CD276: variants seen among roughly 807,000 people sequenced by gnomAD.
CD276 encodes CD276 molecule, also known as CD276 antigen.
CD276 carries 34 observed loss-of-function variants against 50.0 expected under a neutral mutation model. The observed-to-expected ratio is 0.68, with a 90% CI of 0.52 to 0.91. The LOEUF is 0.91. Among genes scored for constraint, CD276 ranks in the 40% least tolerant of loss-of-function variants. The pLI, the probability that CD276 is intolerant of heterozygous loss-of-function variation, is 0.00. For synonymous variants in CD276, 275 were observed against 313.0 expected, an observed-to-expected ratio of 0.88 and a Z score of 1.28; for missense variants, 634 against 717.5, an observed-to-expected ratio of 0.88 and a Z score of 1.33.
At position 73,703,631 on chromosome 15, in the gene CD276, C is replaced by T. The variant is rs772480191; in HGVS notation, c.734-28C>T. On this transcript the variant is annotated intron_variant, in intron 4 of 9. Transcript: ENST00000318443. ...CCTAGAGAGTCCCATTTCTCCTCAC[C>T]ACCCTGCCCCTCTGACCCCGCCCCC... 3.2e-6 allele frequency: 5 copies of T among 1,560,986 alleles called. No individual in the cohort carries two copies. In the African/African-American group the frequency reaches 6.8e-5, roughly 21 times the overall value.
intron 1 of CD276, among the ~76,000 whole-genome samples, chr15:73,689,419 G>A (rs1282315192): frequency 6.6e-6 from 1 of 152,042 alleles, no homozygotes; most frequent in East Asian, 1.9e-4. Context: ...GGGGAGTGGT[G>A]CCCAGTGGAC....
Position 73,699,601 on chromosome 15 carries a change from C to T in CD276, c.-39C>T, listed in dbSNP as rs1900297314. The T allele has an allele frequency of 6.2e-7, 1 of 1,608,918 alleles. No individual in the cohort carries two copies. The highest frequency in any genetic ancestry group is 8.5e-7 in the Non-Finnish European group (1 of 1,178,330). ...TTTCTCCCAGGCAGGGGCAGCCTTC[C>T]ACCACGGGGAGCCCAGCTGTCAGCC... On this transcript the variant is annotated 5_prime_UTR_variant, in exon 2 of 10. Coordinates refer to ENST00000318443, the MANE Select transcript of CD276 (RefSeq NM_001024736.2).
chr15:73,704,359 T>C lies in CD276; in HGVS notation c.1256T>C (p.Leu419Ser). The C allele has an allele frequency of 6.2e-7, 1 of 1,614,044 alleles. No individual in the cohort carries two copies. The highest frequency in any genetic ancestry group is 1.7e-4 in the Middle Eastern group (1 of 5,982). Residue 419 changes from leucine to serine, a missense_variant, in exon 6 of 10, where the codon TTG becomes TCG. Transcript: ENST00000318443. This position sits in a 1 kb window ranked among gnomAD's most constrained non-coding sequence, Gnocchi z 4.1. ...TTSQMANEQG[L>S]FDVHSVLRVV... ...TCGCAGATGGCCAACGAGCAGGGCT[T>C]GTTTGATGTGCACAGCGTCCTGCGG... is the stretch of plus-strand genomic sequence containing the variant.
chr15:73,691,754 G>A (rs994574720), intron 1 of CD276, among the ~76,000 whole-genome samples: 2 of 152,204 alleles, frequency 1.3e-5, no homozygotes, highest in African/African-American at 4.8e-5. Flanking sequence ...TACCAAAGAC[G>A]GAGACGATCT....
chr15:73,691,695 G>A (rs1210549387), intron 1 of CD276, among the ~76,000 whole-genome samples: 1 of 152,204 alleles, frequency 6.6e-6, no homozygotes, highest in Non-Finnish European at 1.5e-5. Context: ...CAAGAGAAGG[G>A]CACTGTAGAA....
intron 4 of CD276, 42 bp downstream of exon 4, chr15:73,703,128 C>T: frequency 6.5e-7 from 1 of 1,529,074 alleles, no homozygotes; most frequent in Non-Finnish European, 8.8e-7. Flanking sequence ...GGGGGTTCTG[C>T]TTCTGTCGGC....
Position 73,702,287 on chromosome 15 carries a change from G to T in CD276, c.112G>T (p.Val38Leu), listed in dbSNP as rs774478067. Residue 38 changes from valine to leucine, a missense_variant, in exon 3 of 10, where the codon GTG (valine) becomes TTG (leucine). By Grantham distance (32) the Val-to-Leu change is conservative. Transcript: ENST00000318443. ...ALEVQVPEDP[V>L]VALVGTDATL... ...GGAGGTCCAGGTCCCTGAAGACCCA[G>T]TGGTGGCACTGGTGGGCACCGATGC... 1 of 1,612,702 alleles carries T rather than the reference G, an allele frequency of 6.2e-7. No homozygotes were observed. Among genetic ancestry groups the T allele is most frequent in the African/African-American group, 1.3e-5 (1 of 75,022 alleles).
intron 6 of CD276, among the ~76,000 whole-genome samples, chr15:73,707,556 G>C (rs1022845845): frequency 1.3e-5 from 2 of 152,220 alleles, no homozygotes; most frequent in East Asian, 3.9e-4. Context: ...GACCTCATCT[G>C]TATGTAGGAC....
intron 2 of CD276, 62 bp from the exon 3 acceptor site, chr15:73,702,193 G>C (rs1031712901): frequency 7.3e-7 from 1 of 1,368,620 alleles, no homozygotes; most frequent in Admixed American, 2.3e-5. Flanking sequence ...CAGGGAGCGG[G>C]ACTAGGGAGG....
chr15:73,713,235 C>A lies in CD276; in HGVS notation c.*279C>A. The A allele has an allele frequency of 2.2e-6, 1 of 453,928 alleles. No homozygotes were observed. Among genetic ancestry groups the A allele is most frequent in the Non-Finnish European group, 3.9e-6 (1 of 256,748 alleles). The allele number at this position is 453,928 out of a possible 1,614,324, so 28.1% of individuals were successfully genotyped here. On this transcript the variant is annotated 3_prime_UTR_variant, in exon 10 of 10. Transcript: ENST00000318443. Reference sequence around the variant, plus strand: ...CTGCCTGCTGCCTTATTTCACAGTACATACATTTCTTAGGGACACAGTACA... The same window carrying A: ...CTGCCTGCTGCCTTATTTCACAGTAAATACATTTCTTAGGGACACAGTACA...
At chr15:73,686,128 G>A (rs575455590) in intron 1 of CD276, among the ~76,000 whole-genome samples, 16 of 152,282 alleles carry the variant, frequency 1.1e-4, no homozygotes, top group Non-Finnish European at 2.2e-4. Context: ...AGGGGACGCT[G>A]GCGGGAGAGA....
intron 1 of CD276, among the ~76,000 whole-genome samples, chr15:73,688,453 C>T (rs796723789): frequency 1.1e-4 from 16 of 152,256 alleles, no homozygotes; most frequent in African/African-American, 3.9e-4. Flanking sequence ...TAGGTTAAGT[C>T]ATTTAAACTT....
intron 1 of CD276, 118 bp from the exon 2 acceptor site, chr15:73,699,468 A>G (rs1900292438): frequency 7.4e-7 from 1 of 1,345,916 alleles, no homozygotes; most frequent in African/African-American, 1.5e-5. Context: ...GGATATGGGA[A>G]TGAGGACCTC....
chr15:73,708,667 C>G lies in CD276; in HGVS notation c.1504+194C>G. On this transcript the variant is annotated intron_variant, in intron 7 of 9. Coordinates refer to ENST00000318443, the MANE Select transcript of CD276 (RefSeq NM_001024736.2). ...GTGAACAAGCGTGAGCCTGTCTGTC[C>G]ATGTGCAGATACCACAGGATGAATG... The G allele has an allele frequency of 3.2e-6, 2 of 629,676 alleles. 1 individual carries two copies. Among genetic ancestry groups the G allele is most frequent in the East Asian group, 5.7e-5 (2 of 35,384 alleles). 39.0% of individuals were successfully genotyped at this position (629,676 alleles called of 1,614,324 possible).
In CD276 at chr15:73,713,993, T is replaced by A. The variant is rs944394955; in HGVS notation, c.*1037T>A. 1.6e-5 allele frequency: 5 copies of A among 308,004 alleles called. No individual in the cohort carries two copies. In the Admixed American group the frequency reaches 3.0e-4, roughly 18 times the overall value. 19.1% of individuals were successfully genotyped at this position (308,004 alleles called of 1,614,324 possible). ...CACCCTGCGGTTTGCAGGGGGCTCC[T>A]GCCTGGCTCCCTGCTCCACACCTCC... On this transcript the variant is annotated 3_prime_UTR_variant, in exon 10 of 10. Coordinates refer to ENST00000318443, the MANE Select transcript of CD276 (RefSeq NM_001024736.2).
In CD276 at chr15:73,713,795, T is replaced by A. The variant is rs1278052556; in HGVS notation, c.*839T>A. ...GCCCCTGGGGGTCAGCTTCTGTCCCTCTGCCTTCTCACCTCTTTGTTCCTT... is the reference window on the plus strand; with the variant it reads ...GCCCCTGGGGGTCAGCTTCTGTCCCACTGCCTTCTCACCTCTTTGTTCCTT... On this transcript the variant is annotated 3_prime_UTR_variant, in exon 10 of 10. Transcript: ENST00000318443. 1 of 439,720 alleles carries A rather than the reference T, an allele frequency of 2.3e-6. No homozygotes were observed. The highest frequency in any genetic ancestry group is 7.7e-5 in the East Asian group (1 of 12,992). 27.2% of individuals were successfully genotyped at this position (439,720 alleles called of 1,614,324 possible).
In CD276 at chr15:73,713,249, G is replaced by T. The variant is rs766959402; in HGVS notation, c.*293G>T. On this transcript the variant is annotated 3_prime_UTR_variant, in exon 10 of 10. Transcript: ENST00000318443. ...ATTTCACAGTACATACATTTCTTAG[G>T]GACACAGTACACTGACCACATCACC... is the stretch of plus-strand genomic sequence containing the variant. 2.5e-4 allele frequency: 108 copies of T among 428,884 alleles called. No individual in the cohort carries two copies. The highest frequency in any genetic ancestry group is 4.1e-4 in the Non-Finnish European group (99 of 241,680). The allele number at this position is 428,884 out of a possible 1,614,324, so 26.6% of individuals were successfully genotyped here. A position where few individuals can be genotyped will look rare whatever the true frequency, so the allele number is the denominator to read the frequency against.
At chr15:73,695,363 G>T (rs953621433) in intron 1 of CD276, among the ~76,000 whole-genome samples, 4 of 152,154 alleles carry the variant, frequency 2.6e-5, no homozygotes, top group Non-Finnish European at 5.9e-5. Context: ...TCAGGAAAGG[G>T]TTACCTTTCC....
intron 2 of CD276, among the ~76,000 whole-genome samples, chr15:73,700,154 A>G (rs746225289): frequency 6.6e-6 from 1 of 151,966 alleles, no homozygotes; most frequent in Non-Finnish European, 1.5e-5. Context: ...TCCCTGCGTT[A>G]TTCTGCCTAG....
Sources: allele counts gnomAD v4.1 joint callset (sites outside exome capture counted in the v4.1 genomes callset), GRCh38; gene constraint gnomAD v4.1.1; non-coding constraint Gnocchi (gnomAD v3.1); transcripts MANE v1.5; gene names NCBI Gene and HGNC (gene_info 2026-07-23, HGNC 2026-07-21).